MAPKAPK5: variants seen among roughly 807,000 people sequenced by gnomAD.
The protein encoded by MAPKAPK5 is MAP kinase-activated protein kinase 5.
A neutral mutation model predicts 65.1 loss-of-function variants in MAPKAPK5; 30 were observed. That is an observed-to-expected ratio of 0.46 (90% CI 0.34 to 0.63). The LOEUF (loss-of-function observed/expected upper bound fraction) is 0.63. Among genes scored for constraint, MAPKAPK5 ranks in the 20% least tolerant of loss-of-function variants. MAPKAPK5 has a pLI of 0.01. For missense variants in MAPKAPK5, 433 were observed against 581.4 expected (o/e 0.74, Z 2.63); for synonymous variants, 179 against 204.6 (o/e 0.87, Z 1.07).
chr12:111,861,828 A>G (rs2069448583), intron 1 of MAPKAPK5, among the ~76,000 whole-genome samples: 1 of 152,244 alleles, frequency 6.6e-6, no homozygotes, highest in South Asian at 2.1e-4. Flanking sequence ...AGCCAAAGAC[A>G]GTATGAAAGC....
chr12:111,886,156 A>G (rs1456708873), intron 10 of MAPKAPK5, 120 bp downstream of exon 10: 1 of 1,389,362 alleles, frequency 7.2e-7, no homozygotes. Flanking sequence ...TCCCAGAGAA[A>G]CATCTCTGGT....
chr12:111,863,813 T>G (rs1459060265), intron 1 of MAPKAPK5, among the ~76,000 whole-genome samples: 1 of 151,648 alleles, frequency 6.6e-6, no homozygotes, highest in East Asian at 1.9e-4. Context: ...TCCATGTTGG[T>G]CAGGCTGGTC....
intron 1 of MAPKAPK5, among the ~76,000 whole-genome samples, chr12:111,845,979 T>C (rs2068896237): frequency 6.6e-6 from 1 of 152,184 alleles, no homozygotes; most frequent in East Asian, 1.9e-4. Context: ...CATAGCAACT[T>C]AAGGGTGCTT....
In MAPKAPK5 at chr12:111,858,284, C is replaced by A. The variant is rs1459230201; in HGVS notation, c.37-6966C>A. ...ATCTTATTTAGAGTTTGTTGAGCTT[C>A]TTGGAGGCCATAGGTTATTACTGTT... On this transcript the variant is annotated intron_variant, in intron 1 of 13. Transcript: ENST00000550735. 1.1e-4 allele frequency among the ~76,000 whole-genome samples: 16 copies of A among 152,190 alleles called. 1 individual carries two copies. In the East Asian group the frequency reaches 3.1e-3, roughly 29 times the overall value.
rs1037163523 is a variant in MAPKAPK5 at position 111,885,873 on chromosome 12, G to T, written c.849-43G>T. ...TCCAGGAACTTCCTATGGCCTTTTG[G>T]TAGCAACTGTGCATGGCAGCCCTGT... On this transcript the variant is annotated intron_variant, in intron 9 of 13. Coordinates refer to ENST00000550735, the MANE Select transcript of MAPKAPK5 (RefSeq NM_003668.4). 2.5e-6 allele frequency: 4 copies of T among 1,612,806 alleles called. No homozygotes were observed. In the South Asian group the frequency reaches 4.4e-5, roughly 18 times the overall value.
intron 7 of MAPKAPK5, among the ~76,000 whole-genome samples, chr12:111,877,830 GCCA>G (rs1469939712): frequency 6.6e-6 from 1 of 151,600 alleles, no homozygotes; most frequent in Non-Finnish European, 1.5e-5. Context: ...ATAGGCATAC[GCCA>G]CCACATCTGG....
At chr12:111,890,913 C>T (rs1336776696) in intron 13 of MAPKAPK5, among the ~76,000 whole-genome samples, 1 of 152,018 alleles carries the variant, frequency 6.6e-6, no homozygotes, top group East Asian at 1.9e-4. Context: ...CTGCCTCAGC[C>T]TCCCAAAGTG....
chr12:111,892,027 G>A (rs2070633333), intron 13 of MAPKAPK5, among the ~76,000 whole-genome samples: 1 of 152,088 alleles, frequency 6.6e-6, no homozygotes, highest in African/African-American at 2.4e-5. Context: ...AGTTTGCCTG[G>A]TTTTGTATTC....
Position 111,901,196 on chromosome 12 carries a change from A to G in MAPKAPK5, c.*8135A>G, listed in dbSNP as rs1198356563. ...TGCACAATGGCACTTACTGTGCACC[A>G]AACAAAGTCTGCCTGAATTCCGCCT... is the stretch of plus-strand genomic sequence containing the variant. On this transcript the variant is annotated 3_prime_UTR_variant, in exon 14 of 14. Transcript: ENST00000550735. 4.4e-6 allele frequency: 2 copies of G among 455,524 alleles called. No homozygotes were observed. Among genetic ancestry groups the G allele is most frequent in the East Asian group, 6.9e-5 (1 of 14,400 alleles). 28.2% of individuals were successfully genotyped at this position (455,524 alleles called of 1,614,324 possible).
chr12:111,864,291 C>T (rs2069534836), intron 1 of MAPKAPK5, among the ~76,000 whole-genome samples: 1 of 152,014 alleles, frequency 6.6e-6, no homozygotes, highest in South Asian at 2.1e-4. Context: ...GTCTCCACCT[C>T]CTGGGTTCAA....
At chr12:111,871,926 G>C (rs142961676) in intron 7 of MAPKAPK5, among the ~76,000 whole-genome samples, 13 of 152,340 alleles carry the variant, frequency 8.5e-5, no homozygotes, top group Non-Finnish European at 1.3e-4. Flanking sequence ...AAGAATTTCA[G>C]AAAAATGTAA....
intron 5 of MAPKAPK5, 147 bp downstream of exon 5, chr12:111,869,008 G>C: frequency 1.5e-6 from 1 of 654,094 alleles, no homozygotes; most frequent in Non-Finnish European, 2.6e-6. Flanking sequence ...AAGATGTTTT[G>C]ACAGGAGAAA....
chr12:111,863,147 A>G (rs1308181679), intron 1 of MAPKAPK5, among the ~76,000 whole-genome samples: 1 of 152,206 alleles, frequency 6.6e-6, no homozygotes, highest in Non-Finnish European at 1.5e-5. Context: ...AGAGGACGCC[A>G]GAGCCATAGA....
intron 9 of MAPKAPK5, among the ~76,000 whole-genome samples, chr12:111,885,209 G>T (rs2070363985): frequency 1.3e-5 from 2 of 152,184 alleles, no homozygotes; most frequent in Non-Finnish European, 2.9e-5. Context: ...CAAGCTGAAG[G>T]AGCAGTTAGG....
intron 3 of MAPKAPK5, among the ~76,000 whole-genome samples, chr12:111,867,112 T>C (rs2069640501): frequency 6.6e-6 from 1 of 152,014 alleles, no homozygotes; most frequent in Non-Finnish European, 1.5e-5. Context: ...TTTGTATTTT[T>C]TGTAGACATG....
intron 10 of MAPKAPK5, among the ~76,000 whole-genome samples, chr12:111,886,313 C>T (rs751995938): frequency 3.0e-4 from 46 of 152,156 alleles, no homozygotes; most frequent in Non-Finnish European, 5.6e-4. Context: ...TTTAAGATAC[C>T]CTCCCTTTCC....
At position 111,865,327 on chromosome 12, in the gene MAPKAPK5, A is replaced by G; in HGVS notation, c.110+4A>G. On this transcript the variant is annotated splice_donor_region_variant and intron_variant, in intron 2 of 13. Coordinates refer to ENST00000550735, the MANE Select transcript of MAPKAPK5 (RefSeq NM_003668.4). Reference sequence around the variant, plus strand: ...CTGGAATTAGTGGTCCAGTTAGGTAAGAGATCCATATGAGAAACTATGGCA... The same window carrying G: ...CTGGAATTAGTGGTCCAGTTAGGTAGGAGATCCATATGAGAAACTATGGCA... 6.3e-7 allele frequency: 1 copy of G among 1,581,746 alleles called. No individual in the cohort carries two copies.
intron 12 of MAPKAPK5, chr12:111,889,585 C>T (rs1447953099): frequency 2.4e-5 from 4 of 167,328 alleles, no homozygotes; most frequent in Non-Finnish European, 3.9e-5. Context: ...AGATGCTTCA[C>T]GTACTAGGCC....
chr12:111,901,153 T>C lies in MAPKAPK5; in HGVS notation c.*8092T>C, dbSNP rs1363734903. 1 of 455,972 alleles carries C rather than the reference T, an allele frequency of 2.2e-6. No individual in the cohort carries two copies. The allele number at this position is 455,972 out of a possible 1,614,324, so 28.2% of individuals were successfully genotyped here. A position where few individuals can be genotyped will look rare whatever the true frequency, so the allele number is the denominator to read the frequency against. ...ATGGATGCCTATATGAGTACTGACA[T>C]TCCTGATGAAGGAGATGTGCACAAT... On this transcript the variant is annotated 3_prime_UTR_variant, in exon 14 of 14. Transcript: ENST00000550735.
Sources: gnomAD v4.1 joint callset for allele counts (sites outside exome capture counted in the v4.1 genomes callset) on GRCh38, gnomAD v4.1.1 for gene constraint, MANE v1.5 for transcripts, NCBI Gene and HGNC (gene_info 2026-07-23, HGNC 2026-07-21) for gene names.